Variants in MBP observed in about 807,000 individuals in gnomAD.
MBP encodes the protein myelin basic protein, also known as Golli-MBP.
In MBP, 16 loss-of-function variants were observed where a neutral mutation model predicts 35.8. The observed-to-expected ratio is 0.45, with a 90% CI of 0.30 to 0.68. The LOEUF (loss-of-function observed/expected upper bound fraction) is 0.68, where lower values mean the gene tolerates loss of function less well. Ranked by LOEUF, MBP falls within the 30% of genes least tolerant of loss-of-function variation. The probability of loss-of-function intolerance (pLI) is 0.08; values close to 1 mark genes in which losing one functional copy is unlikely to be tolerated. For synonymous variants in MBP, 143 were observed against 159.6 expected (o/e 0.90, Z 0.78); for missense variants, 380 against 404.7 (o/e 0.94, Z 0.52).
At chr18:77,100,734 G>A (rs779152060) in intron 2 of MBP, among the ~76,000 whole-genome samples, 21 of 151,794 alleles carry the variant, frequency 1.4e-4, no homozygotes, top group Non-Finnish European at 2.6e-4. Context: ...TGATTTTTTT[G>A]TAGAGATAAG....
chr18:77,048,240 T>C (rs1973334776), intron 3 of MBP, among the ~76,000 whole-genome samples: 2 of 152,198 alleles, frequency 1.3e-5, no homozygotes, highest in Admixed American at 1.3e-4. Flanking sequence ...AAAGAGGACC[T>C]TGGGCTTCCA....
chr18:77,098,417 A>G (rs1305675653), intron 2 of MBP, among the ~76,000 whole-genome samples: 6 of 152,144 alleles, frequency 3.9e-5, no homozygotes, highest in Admixed American at 2.6e-4. Context: ...TCACTGTCCT[A>G]TGCAGAGTGG....
At chr18:77,027,759 C>T (rs146943333) in intron 3 of MBP, among the ~76,000 whole-genome samples, 1 of 152,324 alleles carries the variant, frequency 6.6e-6, no homozygotes, top group East Asian at 1.9e-4. Flanking sequence ...TTGATAATAG[C>T]TGACTGCAGC....
At chr18:77,116,816 G>A (rs1016391125) in intron 1 of MBP, among the ~76,000 whole-genome samples, 1 of 152,012 alleles carries the variant, frequency 6.6e-6, no homozygotes. Context: ...GCACTGAGTC[G>A]AGATTGGGCC....
In MBP at chr18:77,018,953, CATCT is replaced by C. The variant is rs762259082; in HGVS notation, c.140-1689_140-1686del. ...CCATTTACCTACCTGTTCATCCATC[CATCT>C]ATCCATTCATCCATCCATCCATCCA... On this transcript the variant is annotated intron_variant, in intron 3 of 8. Transcript: ENST00000355994. 9.5e-4 allele frequency among the ~76,000 whole-genome samples: 137 copies of C among 143,482 alleles called. 1 individual carries two copies. The South Asian group carries it at 0.027, about 28-fold the overall frequency. 94.1% of individuals were successfully genotyped at this position (143,482 alleles called of 152,430 possible).
chr18:77,031,351 C>A (rs1408170790), intron 3 of MBP, among the ~76,000 whole-genome samples: 1 of 152,206 alleles, frequency 6.6e-6, no homozygotes, highest in Non-Finnish European at 1.5e-5. Context: ...CCTCTCACAC[C>A]CCGTGTGGGC....
At chr18:77,086,974 C>T (rs1975260862) in intron 2 of MBP, among the ~76,000 whole-genome samples, 1 of 152,102 alleles carries the variant, frequency 6.6e-6, no homozygotes, top group Non-Finnish European at 1.5e-5. Context: ...AAAATTGCCA[C>T]GGAAGAATAG....
chr18:77,111,060 T>C (rs534567841), intron 1 of MBP, among the ~76,000 whole-genome samples: 120 of 152,308 alleles, frequency 7.9e-4, no homozygotes, highest in African/African-American at 2.7e-3. Context: ...AGTCCTGTGC[T>C]AGACCTCTCG....
intron 2 of MBP, among the ~76,000 whole-genome samples, chr18:77,069,786 C>T (rs1974358140): frequency 6.6e-6 from 1 of 152,134 alleles, no homozygotes; most frequent in Non-Finnish European, 1.5e-5. Context: ...ACACGTTGGT[C>T]CCACAGCTAT....
At chr18:76,987,967 T>C (rs1225404574) in intron 7 of MBP, 48 of 1,195,618 alleles carry the variant, frequency 4.0e-5, no homozygotes, top group Non-Finnish European at 4.9e-5. Context: ...GTTTTAATTA[T>C]TATTTAAACA....
At position 76,978,948 on chromosome 18, in the gene MBP, ACCTCAGCTCAGCGACGCAGAGTGCTTC is replaced by A. The variant is rs1294841763; in HGVS notation, c.*1452_*1478del. 1 of 152,202 alleles carries A rather than the reference ACCTCAGCTCAGCGACGCAGAGTGCTTC, an allele frequency of 6.6e-6. No individual in the cohort carries two copies. Among genetic ancestry groups the A allele is most frequent in the Non-Finnish European group, 1.5e-5 (1 of 68,038 alleles). 9.4% of individuals were successfully genotyped at this position (152,202 alleles called of 1,614,324 possible). On this transcript the variant is annotated 3_prime_UTR_variant, in exon 9 of 9. Coordinates refer to ENST00000355994, the MANE Select transcript of MBP (RefSeq NM_001025101.2). Reference sequence around the variant, plus strand: ...CGGCCACGTATGGATCGCAGAGCCGACCTCAGCTCAGCGACGCAGAGTGCTTCTGCTGAAAAATTTGGAGGTTTGTGT... The same window carrying A: ...CGGCCACGTATGGATCGCAGAGCCGATGCTGAAAAATTTGGAGGTTTGTGT...
intron 1 of MBP, among the ~76,000 whole-genome samples, chr18:77,124,544 C>T (rs1354208117): frequency 4.6e-5 from 7 of 152,140 alleles, no homozygotes; most frequent in South Asian, 4.2e-4. Context: ...GGGTTGGACG[C>T]GGGGCAGCTG....
chr18:77,110,755 T>C (rs565438813), intron 1 of MBP, among the ~76,000 whole-genome samples: 1 of 152,334 alleles, frequency 6.6e-6, no homozygotes, highest in Admixed American at 6.5e-5. Flanking sequence ...GATTTTTTTT[T>C]CTGTATTTGG....
chr18:77,038,897 T>C (rs1335173551), intron 3 of MBP, among the ~76,000 whole-genome samples: 1 of 152,226 alleles, frequency 6.6e-6, no homozygotes. Context: ...ACGATATCAC[T>C]GGTTAGTATG....
chr18:77,085,757 T>C (rs1975204728), intron 2 of MBP, among the ~76,000 whole-genome samples: 1 of 147,846 alleles, frequency 6.8e-6, no homozygotes, highest in Admixed American at 6.9e-5. Flanking sequence ...CAATTTCGGC[T>C]CACCGCAACC....
In MBP at chr18:77,131,075, GCACGCA is replaced by G. The variant is rs777860464; in HGVS notation, c.-26+1499_-26+1504del. Among the ~76,000 whole-genome samples the G allele has an allele frequency of 5.1e-5, 1 of 19,746 alleles. No homozygotes were observed. The highest frequency in any genetic ancestry group is 2.5e-4 in the Non-Finnish European group (1 of 4,018). 13.0% of individuals were successfully genotyped at this position (19,746 alleles called of 152,430 possible). ...CAAAAAACAAAACACACACACGCGC[GCACGCA>G]CGCGCACACACACACACACACACAC... is the stretch of plus-strand genomic sequence containing the variant. On this transcript the variant is annotated intron_variant, in intron 1 of 8. Coordinates refer to ENST00000355994, the MANE Select transcript of MBP (RefSeq NM_001025101.2). The surrounding 1 kb of genome is among the most constrained non-coding windows in gnomAD (Gnocchi z 5.5).
chr18:77,097,311 T>A (rs1193035324), intron 2 of MBP: 2 of 152,298 alleles, frequency 1.3e-5, no homozygotes. Flanking sequence ...CTCTTCCTGT[T>A]GTGGACAACT....
At chr18:77,053,526 A>G (rs919315102) in intron 3 of MBP, among the ~76,000 whole-genome samples, 20 of 151,452 alleles carry the variant, frequency 1.3e-4, no homozygotes, top group African/African-American at 4.6e-4. Flanking sequence ...CCCACATGCT[A>G]TGTGCACACA....
At chr18:77,100,695 G>A (rs1408130974) in intron 2 of MBP, among the ~76,000 whole-genome samples, 3 of 152,084 alleles carry the variant, frequency 2.0e-5, no homozygotes, top group Non-Finnish European at 4.4e-5. Flanking sequence ...GGGACTGTAG[G>A]TGCACAGCAC....
Sources: allele counts gnomAD v4.1 joint callset (sites outside exome capture counted in the v4.1 genomes callset), GRCh38; gene constraint gnomAD v4.1.1; non-coding constraint Gnocchi (gnomAD v3.1); transcripts MANE v1.5; gene names NCBI Gene and HGNC (gene_info 2026-07-23, HGNC 2026-07-21).